AGBL4: variants seen among roughly 807,000 people sequenced by gnomAD.
The protein encoded by AGBL4 is AGBL carboxypeptidase 4, also known as cytosolic carboxypeptidase 6.
A neutral mutation model predicts 66.4 loss-of-function variants in AGBL4; 58 were observed. The observed-to-expected ratio is 0.87, with a 90% CI of 0.71 to 1.09. AGBL4 has a LOEUF of 1.09. Among genes scored for constraint, AGBL4 ranks in the 50% least tolerant of loss-of-function variants. The pLI, the probability that AGBL4 is intolerant of heterozygous loss-of-function variation, is 0.00. For missense variants in AGBL4, 579 were observed against 631.0 expected (o/e 0.92, Z 0.88); for synonymous variants, 234 against 222.9 (o/e 1.05, Z -0.44).
chr1:49,739,871 C>A (rs1249786846), intron 2 of AGBL4, among the ~76,000 whole-genome samples: 1 of 152,056 alleles, frequency 6.6e-6, no homozygotes, highest in Non-Finnish European at 1.5e-5. Context: ...TTGTCACCAC[C>A]AGGCCTGCCC....
intron 6 of AGBL4, among the ~76,000 whole-genome samples, chr1:48,722,179 T>C (rs950308815): frequency 2.0e-5 from 3 of 152,120 alleles, no homozygotes; most frequent in African/African-American, 7.2e-5. Context: ...GGGGGTCTTT[T>C]GTATTTTAAA....
intron 5 of AGBL4, among the ~76,000 whole-genome samples, chr1:48,916,053 C>T (rs556066515): frequency 1.9e-4 from 29 of 152,160 alleles, no homozygotes; most frequent in Non-Finnish European, 3.2e-4. Flanking sequence ...CAGCTTCTCT[C>T]ACTGGCCCAT....
chr1:49,557,032 G>A (rs1004783826), intron 3 of AGBL4, among the ~76,000 whole-genome samples: 1 of 152,036 alleles, frequency 6.6e-6, no homozygotes, highest in African/African-American at 2.4e-5. Context: ...TCGCTCACTC[G>A]GAACTCGCAC....
At chr1:49,092,733 G>A (rs1300695764) in intron 4 of AGBL4, among the ~76,000 whole-genome samples, 1 of 152,088 alleles carries the variant, frequency 6.6e-6, no homozygotes, top group Non-Finnish European at 1.5e-5. Flanking sequence ...GTCCACATCA[G>A]CTCACCTCTG....
intron 4 of AGBL4, among the ~76,000 whole-genome samples, chr1:49,070,347 A>C (rs892624007): frequency 7.2e-5 from 11 of 151,950 alleles, no homozygotes; most frequent in Non-Finnish European, 4.4e-5. Context: ...TTGCCCATTC[A>C]GTATGATAGT....
At chr1:49,831,510 C>A (rs138956033) in intron 2 of AGBL4, among the ~76,000 whole-genome samples, 48 of 152,242 alleles carry the variant, frequency 3.2e-4, no homozygotes, top group African/African-American at 1.1e-3. Context: ...AGATTTGGGG[C>A]TGACACAATG....
At chr1:49,248,938 A>T (rs1175531842) in intron 3 of AGBL4, among the ~76,000 whole-genome samples, 1 of 152,096 alleles carries the variant, frequency 6.6e-6, no homozygotes, top group African/African-American at 2.4e-5. Flanking sequence ...ACCACAGTAC[A>T]CTGTTAGTCT....
intron 4 of AGBL4, among the ~76,000 whole-genome samples, chr1:49,206,359 G>T (rs1234503179): frequency 2.0e-5 from 3 of 152,032 alleles, no homozygotes; most frequent in African/African-American, 7.2e-5. Flanking sequence ...TCTAACTACT[G>T]GGATGGCCCT....
intron 5 of AGBL4, among the ~76,000 whole-genome samples, chr1:48,893,675 A>G (rs934679751): frequency 2.6e-4 from 38 of 144,396 alleles, no homozygotes; most frequent in Admixed American, 2.1e-4. Flanking sequence ...ACAGAGTGAG[A>G]CTCTGTCTCA....
intron 3 of AGBL4, among the ~76,000 whole-genome samples, chr1:49,454,698 G>A (rs1646352136): frequency 6.6e-6 from 1 of 151,546 alleles, no homozygotes; most frequent in Non-Finnish European, 1.5e-5. Context: ...TTTTCTGAAT[G>A]CTAGGGTGAG....
intron 3 of AGBL4, among the ~76,000 whole-genome samples, chr1:49,676,903 T>C (rs535072775): frequency 5.3e-4 from 80 of 152,226 alleles, no homozygotes; most frequent in African/African-American, 1.9e-3. Flanking sequence ...CAGCAAAGGA[T>C]GTATAAGCCA....
chr1:49,902,631 A>G (rs886105128), intron 1 of AGBL4, among the ~76,000 whole-genome samples: 1 of 152,044 alleles, frequency 6.6e-6, no homozygotes, highest in African/African-American at 2.4e-5. Context: ...CCTGTAATCC[A>G]AGCTACTCAG....
chr1:49,032,577 G>A (rs1161204190), intron 5 of AGBL4, among the ~76,000 whole-genome samples: 1 of 152,178 alleles, frequency 6.6e-6, no homozygotes, highest in African/African-American at 2.4e-5. Flanking sequence ...GATCAGTGAA[G>A]AGGTGGCACA....
intron 3 of AGBL4, among the ~76,000 whole-genome samples, chr1:49,539,015 A>G (rs890096459): frequency 6.6e-6 from 1 of 152,198 alleles, no homozygotes; most frequent in Non-Finnish European, 1.5e-5. Flanking sequence ...ATTTATAGCA[A>G]GAAATAACAT....
At chr1:49,999,097 G>C (rs549320574) in intron 1 of AGBL4, among the ~76,000 whole-genome samples, 2 of 152,044 alleles carry the variant, frequency 1.3e-5, no homozygotes, top group South Asian at 4.2e-4. Flanking sequence ...TCTGACAAGA[G>C]AAAGAAAGAA....
intron 2 of AGBL4, among the ~76,000 whole-genome samples, chr1:49,835,511 T>C (rs1275754038): frequency 6.6e-6 from 1 of 152,200 alleles, no homozygotes; most frequent in Non-Finnish European, 1.5e-5. Context: ...CTGATGGGTG[T>C]TGACTCTTTA....
chr1:49,994,339 A>G (rs1216372492), intron 1 of AGBL4: 1 of 151,882 alleles, frequency 6.6e-6, no homozygotes, highest in Non-Finnish European at 1.5e-5. Context: ...AAAAAAAAAA[A>G]AACCTGCTTT....
At chr1:48,544,638 A>G (rs1011609670) in intron 11 of AGBL4, among the ~76,000 whole-genome samples, 3 of 152,200 alleles carry the variant, frequency 2.0e-5, no homozygotes, top group Non-Finnish European at 4.4e-5. Flanking sequence ...GAGGCCAGAA[A>G]AGGTGAAGAA....
At chr1:49,280,660 AAC>A (rs919372816) in intron 3 of AGBL4, among the ~76,000 whole-genome samples, 97 of 152,362 alleles carry the variant, frequency 6.4e-4, no homozygotes, top group African/African-American at 2.3e-3. Context: ...TAGACAAAGT[AAC>A]ACAGTTAATT....
Sources: allele counts gnomAD v4.1 joint callset (sites outside exome capture counted in the v4.1 genomes callset), GRCh38; gene constraint gnomAD v4.1.1; transcripts MANE v1.5; gene names NCBI Gene and HGNC (gene_info 2026-07-23, HGNC 2026-07-21).